ZKSCAN2: variants seen among roughly 807,000 people sequenced by gnomAD.
ZKSCAN2 encodes the protein zinc finger protein with KRAB and SCAN domains 2.
Under a neutral mutation model 90.5 loss-of-function variants are expected in ZKSCAN2, and 38 were observed. The ratio of observed to expected loss-of-function variants is 0.42; its 90% CI spans 0.32 to 0.55. ZKSCAN2 has a LOEUF of 0.55. ZKSCAN2 is among the 20% of genes least tolerant of loss of function. The pLI is 0.11. For missense variants in ZKSCAN2, 1,167 were observed against 1,202.6 expected (o/e 0.97, Z 0.44); for synonymous variants, 429 against 421.6 (o/e 1.02, Z -0.22).
intron 2 of ZKSCAN2, among the ~76,000 whole-genome samples, chr16:25,253,661 C>T (rs1963054341): frequency 6.6e-6 from 1 of 152,260 alleles, no homozygotes. Flanking sequence ...TATGCACTGG[C>T]TCCTTCATGC....
At chr16:25,245,455 T>C (rs551694214) in intron 5 of ZKSCAN2, among the ~76,000 whole-genome samples, 13 of 152,258 alleles carry the variant, frequency 8.5e-5, no homozygotes, top group Non-Finnish European at 1.6e-4. Context: ...TAGCCTGATT[T>C]AGTTTTCCAT....
chr16:25,252,984 G>T lies in ZKSCAN2; in HGVS notation c.640C>A (p.Gln214Lys), dbSNP rs1963043660. The change falls in exon 3 of 7, where the codon CAG (glutamine) becomes AAG (lysine). Residue 214 changes from glutamine (Q) to lysine (K), a missense_variant. Gln to Lys is a moderately conservative substitution (Grantham distance 53, BLOSUM62 1). Transcript: ENST00000328086. ...GGAAGCCGTGTGGTTGTCACTTCCT[G>T]ATCTAGGGTATTCCATTCATCAGCA... Reference protein sequence around the residue: ...ALADEWNTLDQEVTTTRLPAG... With the variant: ...ALADEWNTLDKEVTTTRLPAG... 1.2e-6 allele frequency: 2 copies of T among 1,613,948 alleles called. No homozygotes were observed. Among genetic ancestry groups the T allele is most frequent in the South Asian group, 1.1e-5 (1 of 91,088 alleles).
chr16:25,251,986 C>G lies in ZKSCAN2; in HGVS notation c.728G>C (p.Ser243Thr), dbSNP rs185234191. The change falls in exon 4 of 7, where the codon AGT becomes ACT. Residue 243 changes from serine to threonine, a missense_variant. Ser to Thr is a moderately conservative substitution (Grantham distance 58). Coordinates refer to ENST00000328086, the MANE Select transcript of ZKSCAN2 (RefSeq NM_001012981.5). Reference sequence around the variant, plus strand: ...CCTTTGGGCAGGAATCTGATGCACACTCTTTCTGTAGGAAAAGCCTCTGGC... The same window carrying G: ...CCTTTGGGCAGGAATCTGATGCACAGTCTTTCTGTAGGAAAAGCCTCTGGC... ...HVARGFSYRKSVHQIPAQRDL... is the reference protein window; with the variant it reads ...HVARGFSYRKTVHQIPAQRDL... The G allele has an allele frequency of 8.7e-5, 141 of 1,614,200 alleles. 1 individual carries two copies. The East Asian group carries it at 3.0e-3, about 34-fold the overall frequency.
chr16:25,240,949 C>G (rs973471555), intron 6 of ZKSCAN2, among the ~76,000 whole-genome samples: 2 of 152,116 alleles, frequency 1.3e-5, no homozygotes, highest in African/African-American at 4.8e-5. Flanking sequence ...ATGTTTCCTG[C>G]ATTATAATCC....
Position 25,255,219 on chromosome 16 carries a change from G to A in ZKSCAN2, c.573C>T (p.Pro191=), listed in dbSNP as rs1207625111. The stretch of plus-strand genomic sequence containing the variant: ...CTTCCCTCTTACCATTCTTGGGTAA[G>A]GGCCGACGTTCTCGCTTTCGGTTCA... ...EQLNRKRERR[P]LPKNARPSPW... The change falls in exon 2 of 7, where the codon CCC becomes CCT. Residue 191 remains proline, a synonymous_variant. Coordinates refer to ENST00000328086, the MANE Select transcript of ZKSCAN2 (RefSeq NM_001012981.5). 1.2e-6 allele frequency: 2 copies of A among 1,605,972 alleles called. No individual in the cohort carries two copies. The highest frequency in any genetic ancestry group is 1.3e-5 in the African/African-American group (1 of 74,288).
Position 25,255,314 on chromosome 16 carries a change from C to T in ZKSCAN2, c.478G>A (p.Val160Met). 1 of 1,613,876 alleles carries T rather than the reference C, an allele frequency of 6.2e-7. No individual in the cohort carries two copies. The highest frequency in any genetic ancestry group is 8.5e-7 in the Non-Finnish European group (1 of 1,179,966). The part of the protein sequence containing the change: ...WEVADFQPEQ[V>M]ETQPRAVSRE... ...GACACCGCCCTGGGTTGGGTCTCCA[C>T]CTGCTCTGGCTGGAAGTCTGCCACC... The change falls in exon 2 of 7, where the codon GTG becomes ATG. Residue 160 changes from valine (V) to methionine (M), a missense_variant. Transcript: ENST00000328086.
intron 6 of ZKSCAN2, among the ~76,000 whole-genome samples, chr16:25,241,277 G>T (rs1962850457): frequency 6.6e-6 from 1 of 152,124 alleles, no homozygotes. Flanking sequence ...ACCCAAATTG[G>T]ATTATTTTCT....
At chr16:25,246,551 G>A in intron 5 of ZKSCAN2, 156 bp downstream of exon 5, 1 of 729,550 alleles carries the variant, frequency 1.4e-6, no homozygotes, top group East Asian at 2.6e-5. Flanking sequence ...GCAGCAGCAA[G>A]CACCTGAGAG....
rs765158665 is a variant in ZKSCAN2, at chr16:25,256,725, T to C, written c.399+4A>G. ...GTACAAAAATTTGGAAAATCCTCTCTCACCTGCTGTCTTAGTCTTCCAGTC... is the reference window on the plus strand; with the variant it reads ...GTACAAAAATTTGGAAAATCCTCTCCCACCTGCTGTCTTAGTCTTCCAGTC... On this transcript the variant is annotated splice_donor_region_variant and intron_variant, in intron 1 of 6. Coordinates refer to ENST00000328086, the MANE Select transcript of ZKSCAN2 (RefSeq NM_001012981.5). 6 of 1,601,556 alleles carry C rather than the reference T, an allele frequency of 3.7e-6. No homozygotes were observed. Among genetic ancestry groups the C allele is most frequent in the Non-Finnish European group, 5.1e-6 (6 of 1,174,320 alleles).
Position 25,257,247 on chromosome 16 carries a change from G to A in ZKSCAN2, c.-120C>T. 1 of 1,494,294 alleles carries A rather than the reference G, an allele frequency of 6.7e-7. No individual in the cohort carries two copies. The highest frequency in any genetic ancestry group is 8.9e-7 in the Non-Finnish European group (1 of 1,129,638). The allele number at this position is 1,494,294 out of a possible 1,614,324, so 92.6% of individuals were successfully genotyped here. A position where few individuals can be genotyped will look rare whatever the true frequency, so the allele number is the denominator to read the frequency against. On this transcript the variant is annotated 5_prime_UTR_variant, in exon 1 of 7. Transcript: ENST00000328086. ...AAGGTACGGAGGTAAAAACGGCCAGGTCGGCAGGAACAGGGTATTCCAGGC... is the reference window on the plus strand; with the variant it reads ...AAGGTACGGAGGTAAAAACGGCCAGATCGGCAGGAACAGGGTATTCCAGGC...
At position 25,237,172 on chromosome 16, in the gene ZKSCAN2, T is replaced by C. The variant is rs1385618887; in HGVS notation, c.*2644A>G. ...TTTCTATGAATCTTCATAAAGGCAA[T>C]GTTATGTGATCTAAAAGACACATTG... On this transcript the variant is annotated 3_prime_UTR_variant, in exon 7 of 7. Coordinates refer to ENST00000328086, the MANE Select transcript of ZKSCAN2 (RefSeq NM_001012981.5). 6.6e-6 allele frequency: 1 copy of C among 152,332 alleles called. No individual in the cohort carries two copies. The highest frequency in any genetic ancestry group is 1.5e-5 in the Non-Finnish European group (1 of 68,034). 9.4% of individuals were successfully genotyped at this position (152,332 alleles called of 1,614,324 possible).
Position 25,252,952 on chromosome 16 carries a change from C to T in ZKSCAN2, c.672G>A (p.Gly224=), listed in dbSNP as rs1963043091. 1.2e-6 allele frequency: 2 copies of T among 1,613,030 alleles called. No individual in the cohort carries two copies. The highest frequency in any genetic ancestry group is 4.5e-5 in the East Asian group (2 of 44,862). ...QEVTTTRLPA[G]SQEPVKDVHV... The stretch of plus-strand genomic sequence containing the variant: ...AAAGACAATTACAATGTACCTGGGA[C>T]CCAGCAGGAAGCCGTGTGGTTGTCA... The change falls in exon 3 of 7, where the codon GGG becomes GGA. Residue 224 remains glycine, a synonymous_variant. Coordinates refer to ENST00000328086, the MANE Select transcript of ZKSCAN2 (RefSeq NM_001012981.5).
chr16:25,251,859 T>C (rs1963025580), intron 4 of ZKSCAN2, 50 bp downstream of exon 4: 1 of 1,596,120 alleles, frequency 6.3e-7, no homozygotes. Flanking sequence ...TAGAAATGAA[T>C]ACATTAGAAA....
chr16:25,242,286 A>G (rs932217920), intron 6 of ZKSCAN2, among the ~76,000 whole-genome samples: 1 of 152,248 alleles, frequency 6.6e-6, no homozygotes, highest in African/African-American at 2.4e-5. Flanking sequence ...TTTGGAGCTC[A>G]CTTTAAAAAC....
intron 6 of ZKSCAN2, among the ~76,000 whole-genome samples, chr16:25,241,510 C>T (rs1054060500): frequency 3.9e-5 from 6 of 152,204 alleles, no homozygotes; most frequent in African/African-American, 1.2e-4. Flanking sequence ...ATAATGAACT[C>T]CCACAAACCA....
rs1962831304 is a variant in ZKSCAN2, at chr16:25,240,272, T to C, written c.2448A>G (p.Ser816=). The part of the protein sequence containing the change: ...LDCGKSFNDS[S]NFGAHQRIHT... ...GGATTCTCTGGTGGGCACCAAAATT[T>C]GAGGAGTCATTAAAGCTTTTTCCAC... Residue 816 remains serine (S), a synonymous_variant, in exon 7 of 7, where the codon TCA becomes TCG. Transcript: ENST00000328086. 1 of 1,609,608 alleles carries C rather than the reference T, an allele frequency of 6.2e-7. No individual in the cohort carries two copies. The highest frequency in any genetic ancestry group is 1.7e-5 in the Admixed American group (1 of 59,736).
At position 25,257,384 on chromosome 16, in the gene ZKSCAN2, G is replaced by A; in HGVS notation, c.-257C>T. ...TGACCGCGCAATGTGGTTTTCCAGA[G>A]TGCATCCCTCTTAGTGCAAAGTCGG... On this transcript the variant is annotated 5_prime_UTR_variant, in exon 1 of 7. Coordinates refer to ENST00000328086, the MANE Select transcript of ZKSCAN2 (RefSeq NM_001012981.5). The A allele has an allele frequency of 8.2e-7, 1 of 1,219,312 alleles. No homozygotes were observed. The highest frequency in any genetic ancestry group is 1.6e-5 in the African/African-American group (1 of 64,360). 75.5% of individuals were successfully genotyped at this position (1,219,312 alleles called of 1,614,324 possible). A position where few individuals can be genotyped will look rare whatever the true frequency, so the allele number is the denominator to read the frequency against.
chr16:25,242,635 A>G (rs1962871612), intron 6 of ZKSCAN2, among the ~76,000 whole-genome samples: 1 of 152,222 alleles, frequency 6.6e-6, no homozygotes, highest in Admixed American at 6.5e-5. Context: ...TGGAGGGAAC[A>G]TCGCAAGCTA....
chr16:25,244,520 A>G (rs1962905251), intron 5 of ZKSCAN2, among the ~76,000 whole-genome samples: 1 of 152,246 alleles, frequency 6.6e-6, no homozygotes, highest in African/African-American at 2.4e-5. Context: ...GTGTACAGAT[A>G]TCATTTCTCA....
Sources: allele counts gnomAD v4.1 joint callset (sites outside exome capture counted in the v4.1 genomes callset), GRCh38; gene constraint gnomAD v4.1.1; transcripts MANE v1.5; gene names NCBI Gene and HGNC (gene_info 2026-07-23, HGNC 2026-07-21).